PRKN: variants seen among roughly 807,000 people sequenced by gnomAD.
PRKN encodes the protein E3 ubiquitin-protein ligase parkin.
Under a neutral mutation model 59.5 loss-of-function variants are expected in PRKN, and 56 were observed. That is an observed-to-expected ratio of 0.94 (90% CI 0.76 to 1.18). The LOEUF (loss-of-function observed/expected upper bound fraction) is 1.18. Ranked by LOEUF, PRKN falls within the 50% of genes most tolerant of loss-of-function variation. The pLI is 0.00. For synonymous variants in PRKN, 250 were observed against 222.1 expected, an observed-to-expected ratio of 1.13 and a Z score of -1.12; for missense variants, 657 against 596.4, an observed-to-expected ratio of 1.10 and a Z score of -1.06.
chr6:161,556,991 A>G (rs1780262955), intron 8 of PRKN, among the ~76,000 whole-genome samples: 2 of 152,268 alleles, frequency 1.3e-5, no homozygotes, highest in Admixed American at 1.3e-4. Flanking sequence ...TGAATAATCC[A>G]CAGACAACTA....
chr6:161,593,641 A>G lies in PRKN; in HGVS notation c.872-24225T>C, dbSNP rs553652515. Among the ~76,000 whole-genome samples the G allele has an allele frequency of 1.8e-4, 27 of 152,292 alleles. No homozygotes were observed. Among genetic ancestry groups the G allele is most frequent in the African/African-American group, 6.0e-4 (25 of 41,562 alleles). On this transcript the variant is annotated intron_variant, in intron 7 of 11. Transcript: ENST00000366898. This position sits in a 1 kb window ranked among gnomAD's most constrained non-coding sequence, Gnocchi z 4.8. ...AGGCAGGGGTTGCGCTGCCACTTTT[A>G]TCCTGAGGAACCGGCTGGACAGTGG...
At chr6:161,865,647 A>G (rs2128225590) in intron 6 of PRKN, among the ~76,000 whole-genome samples, 1 of 152,154 alleles carries the variant, frequency 6.6e-6, no homozygotes, top group East Asian at 1.9e-4. Flanking sequence ...GCTAACTTCA[A>G]ACTTTTCTCA....
intron 3 of PRKN, among the ~76,000 whole-genome samples, chr6:162,203,889 A>G (rs909454230): frequency 1.3e-5 from 2 of 152,164 alleles, no homozygotes; most frequent in Non-Finnish European, 2.9e-5. Context: ...TTTGTATAGT[A>G]AGTTTTGAAA....
chr6:161,757,360 T>C (rs1788970974), intron 7 of PRKN, among the ~76,000 whole-genome samples: 1 of 152,164 alleles, frequency 6.6e-6, no homozygotes, highest in South Asian at 2.1e-4. Flanking sequence ...ATGTAGAATA[T>C]ATAAAGAATT....
chr6:162,727,670 G>C lies in PRKN; in HGVS notation c.-2C>G. On this transcript the variant is annotated 5_prime_UTR_variant, in exon 1 of 12. Transcript: ENST00000366898. The stretch of plus-strand genomic sequence containing the variant: ...GGCAGGTACCCACGTACCTATCATG[G>C]TCACTGGGTAGGTGGCGGCTGCGGG... 6.3e-7 allele frequency: 1 copy of C among 1,582,846 alleles called. No homozygotes were observed. The highest frequency in any genetic ancestry group is 1.2e-5 in the South Asian group (1 of 86,784).
At chr6:162,691,678 T>C (rs2128235177) in intron 1 of PRKN, among the ~76,000 whole-genome samples, 1 of 152,344 alleles carries the variant, frequency 6.6e-6, no homozygotes, top group Non-Finnish European at 1.5e-5. Flanking sequence ...GTTTTCCAGT[T>C]AATGACATAC....
At chr6:162,293,166 A>C (rs567143960) in intron 2 of PRKN, among the ~76,000 whole-genome samples, 1 of 152,312 alleles carries the variant, frequency 6.6e-6, no homozygotes, top group East Asian at 1.9e-4. Flanking sequence ...CCCCAGTTTC[A>C]CTTCAGTAGA....
intron 7 of PRKN, among the ~76,000 whole-genome samples, chr6:161,770,796 G>T (rs1789638504): frequency 6.6e-6 from 1 of 151,938 alleles, no homozygotes; most frequent in South Asian, 2.1e-4. Flanking sequence ...GAGGTAACAT[G>T]AGGCTATTGG....
At chr6:162,696,812 T>G (rs537020515) in intron 1 of PRKN, among the ~76,000 whole-genome samples, 14 of 152,084 alleles carry the variant, frequency 9.2e-5, no homozygotes, top group African/African-American at 3.4e-4. Flanking sequence ...TCCCAAGGTG[T>G]TGGGACTAGA....
intron 3 of PRKN, among the ~76,000 whole-genome samples, chr6:162,241,743 C>CAT (rs1778999121): frequency 6.6e-6 from 1 of 152,074 alleles, no homozygotes; most frequent in Non-Finnish European, 1.5e-5. Context: ...TGATATCCAA[C>CAT]ATATATATAC....
At chr6:162,250,232 A>G (rs1309543178) in intron 3 of PRKN, among the ~76,000 whole-genome samples, 5 of 152,104 alleles carry the variant, frequency 3.3e-5, no homozygotes, top group Non-Finnish European at 7.4e-5. Context: ...CACAACTTAG[A>G]AATGGGCCAA....
At chr6:161,891,688 A>G (rs1450880873) in intron 6 of PRKN, among the ~76,000 whole-genome samples, 1 of 152,196 alleles carries the variant, frequency 6.6e-6, no homozygotes, top group East Asian at 1.9e-4. Flanking sequence ...GTGCATGCAT[A>G]TCTACAGGGG....
chr6:161,987,001 G>T (rs999123007), intron 5 of PRKN, among the ~76,000 whole-genome samples: 1 of 151,930 alleles, frequency 6.6e-6, no homozygotes, highest in Non-Finnish European at 1.5e-5. Context: ...AACTTTTTTC[G>T]TTCAAAAGTC....
intron 1 of PRKN, among the ~76,000 whole-genome samples, chr6:162,645,932 T>G (rs945297169): frequency 6.9e-6 from 1 of 144,704 alleles, no homozygotes; most frequent in Non-Finnish European, 1.5e-5. Context: ...TGGAGTGCAG[T>G]GGCAAGATCT....
chr6:162,454,282 GAA>G (rs1338175575), intron 1 of PRKN, among the ~76,000 whole-genome samples: 1 of 152,116 alleles, frequency 6.6e-6, no homozygotes, highest in Non-Finnish European at 1.5e-5. Flanking sequence ...CTTTAAATAA[GAA>G]AAGTGTTCCC....
At position 161,610,383 on chromosome 6, in the gene PRKN, C is replaced by T. The variant is rs1484643622; in HGVS notation, c.872-40967G>A. On this transcript the variant is annotated intron_variant, in intron 7 of 11. Coordinates refer to ENST00000366898, the MANE Select transcript of PRKN (RefSeq NM_004562.3). The stretch of plus-strand genomic sequence containing the variant: ...GTACCTCTAAAAATTACGGGCAAAA[C>T]AGAAACAGGGCAGGTATTTCGTTGG... Among the ~76,000 whole-genome samples the T allele has an allele frequency of 2.0e-5, 3 of 152,016 alleles. No homozygotes were observed. The South Asian group carries it at 6.2e-4, about 32-fold the overall frequency.
rs9456750 is a variant in PRKN at position 162,182,026 on chromosome 6, G to A, written c.534+19105C>T. 4.3e-3 allele frequency among the ~76,000 whole-genome samples: 655 copies of A among 152,070 alleles called. 5 individuals carry two copies. The highest frequency in any genetic ancestry group is 0.015 in the African/African-American group (627 of 41,464). The stretch of plus-strand genomic sequence containing the variant: ...ATTCTCAGTGATCTGAGTTCCTGGC[G>A]TATTTTCTTTTGTATTGCAATCTCA... On this transcript the variant is annotated intron_variant, in intron 4 of 11. Transcript: ENST00000366898.
In PRKN at chr6:162,281,270, G is replaced by A. The variant is rs1780894058; in HGVS notation, c.172-18505C>T. Among the ~76,000 whole-genome samples, 3 of 152,014 alleles carry A rather than the reference G, an allele frequency of 2.0e-5. No individual in the cohort carries two copies. In the South Asian group the frequency reaches 6.2e-4, roughly 32 times the overall value. ...ATCACAGACTGGGGCCTGTCAGGGG[G>A]TGGGGGGCTAGGGAAGGGATAGCAT... On this transcript the variant is annotated intron_variant, in intron 2 of 11. Transcript: ENST00000366898.
In PRKN at chr6:161,387,046, T is replaced by C. The variant is rs201427980; in HGVS notation, c.1084-169A>G. Among the ~76,000 whole-genome samples the C allele has an allele frequency of 3.3e-5, 5 of 152,230 alleles. No homozygotes were observed. In the East Asian group the frequency reaches 9.6e-4, roughly 29 times the overall value. ...ATCAAGTTATGTTTTGATGGGATTG[T>C]TCACTCTTTACTCAAGAGTGTTCCA... On this transcript the variant is annotated intron_variant, in intron 9 of 11. Coordinates refer to ENST00000366898, the MANE Select transcript of PRKN (RefSeq NM_004562.3).
Sources: gnomAD v4.1 joint callset for allele counts (sites outside exome capture counted in the v4.1 genomes callset) on GRCh38, gnomAD v4.1.1 for gene constraint, Gnocchi (gnomAD v3.1) non-coding constraint, MANE v1.5 for transcripts, NCBI Gene and HGNC (gene_info 2026-07-23, HGNC 2026-07-21) for gene names.